Variants in PLA1A observed in about 807,000 individuals in gnomAD.
The protein encoded by PLA1A is phosphatidylserine-specific phospholipase A1alpha.
In PLA1A, 47 loss-of-function variants were observed where a neutral mutation model predicts 49.4. That is an observed-to-expected ratio of 0.95 (90% CI 0.75 to 1.21). PLA1A has a LOEUF of 1.21. Ranked by LOEUF, PLA1A falls within the 50% of genes most tolerant of loss-of-function variation. The probability of loss-of-function intolerance (pLI) is 0.00; values close to 1 mark genes in which losing one functional copy is unlikely to be tolerated. For synonymous variants in PLA1A, 224 were observed against 207.9 expected (o/e 1.08, Z -0.67); for missense variants, 561 against 563.9 (o/e 0.99, Z 0.05).
chr3:119,614,605 C>CAAAA (rs57980425), intron 5 of PLA1A, among the ~76,000 whole-genome samples: 1 of 67,992 alleles, frequency 1.5e-5, no homozygotes. Context: ...GACTTCGTCT[C>CAAAA]AAAAAAAAAA....
chr3:119,602,918 A>G (rs1364511285), intron 1 of PLA1A, among the ~76,000 whole-genome samples: 1 of 152,184 alleles, frequency 6.6e-6, no homozygotes, highest in African/African-American at 2.4e-5. Flanking sequence ...CCATGTAGAT[A>G]CATAAGGGAA....
At chr3:119,607,227 G>A in intron 2 of PLA1A, 1 of 475,508 alleles carries the variant, frequency 2.1e-6, no homozygotes, top group East Asian at 3.6e-5. Context: ...GTCTGTGACT[G>A]GACAAATCTC....
chr3:119,608,264 GA>G (rs2082719018), intron 2 of PLA1A, among the ~76,000 whole-genome samples: 1 of 148,120 alleles, frequency 6.8e-6, no homozygotes, highest in South Asian at 2.2e-4. Flanking sequence ...AAGAAAGAAA[GA>G]AAGAAAGAAA....
At chr3:119,625,353 T>G in intron 9 of PLA1A, 121 bp downstream of exon 9, 2 of 652,446 alleles carry the variant, frequency 3.1e-6, no homozygotes, top group Non-Finnish European at 2.8e-6. Flanking sequence ...CCCAGCCGGC[T>G]TGGCTGGGGG....
Position 119,609,469 on chromosome 3 carries a change from T to A in PLA1A, c.455T>A (p.Val152Glu), listed in dbSNP as rs779843014. Residue 152 changes from valine (V) to glutamate (E), a missense_variant and splice_region_variant, in exon 4 of 11, where the codon GTG becomes GAG. By Grantham distance (121) the Val-to-Glu change is moderately radical (BLOSUM62 -2). Coordinates refer to ENST00000273371, the MANE Select transcript of PLA1A (RefSeq NM_015900.4). Reference protein sequence around the residue: ...EISLFLNKLLVLGVSESSIHI... With the variant: ...EISLFLNKLLELGVSESSIHI... ...AACTCACTGTTCCTGCTCTTCTAGG[T>A]GCTGGGTGTGTCGGAATCCTCAATC... 5.8e-5 allele frequency: 92 copies of A among 1,598,718 alleles called. No individual in the cohort carries two copies. The African/African-American group carries it at 1.2e-3, about 21-fold the overall frequency.
chr3:119,600,292 G>T, intron 1 of PLA1A: 1 of 680,978 alleles, frequency 1.5e-6, no homozygotes. Context: ...GTTTTTCCTT[G>T]GACTGTGGAG....
rs1255608706 is a variant in PLA1A, at chr3:119,608,848, C to T, written c.354C>T (p.Ala118=). Residue 118 remains alanine, a synonymous_variant, in exon 3 of 11, where the codon GCC becomes GCT. Coordinates refer to ENST00000273371, the MANE Select transcript of PLA1A (RefSeq NM_015900.4). ...GTGCAACGAATGCTAATGTGATTGC[C>T]GTGGACTGGATTTATGGGTCTACAG... ...LLRATNANVI[A]VDWIYGSTGV... The T allele has an allele frequency of 3.7e-6, 6 of 1,613,160 alleles. No homozygotes were observed. The highest frequency in any genetic ancestry group is 1.3e-5 in the African/African-American group (1 of 74,856).
rs138672610 is a variant in PLA1A, at chr3:119,620,005, C to T, written c.1012+353C>T. ...GCGCCCACCCTATGTGGTTCTCACC[C>T]TGGCAGCCTCCAAGGTTGGGGTCCC... On this transcript the variant is annotated intron_variant, in intron 8 of 10. Coordinates refer to ENST00000273371, the MANE Select transcript of PLA1A (RefSeq NM_015900.4). 47 of 464,046 alleles carry T rather than the reference C, an allele frequency of 1.0e-4. No individual in the cohort carries two copies. The East Asian group carries it at 2.9e-3, about 29-fold the overall frequency. The allele number at this position is 464,046 out of a possible 1,614,324, so 28.7% of individuals were successfully genotyped here.
intron 8 of PLA1A, 118 bp from the exon 9 acceptor site, chr3:119,625,006 G>T: frequency 1.6e-6 from 1 of 642,158 alleles, no homozygotes; most frequent in Non-Finnish European, 2.8e-6. Context: ...TCTGCTCCTG[G>T]GCACACAGCC....
chr3:119,599,527 C>G (rs151179633), intron 1 of PLA1A, among the ~76,000 whole-genome samples: 1 of 152,126 alleles, frequency 6.6e-6, no homozygotes, highest in Non-Finnish European at 1.5e-5. Flanking sequence ...AGGACTATAG[C>G]AAATTGGCAT....
intron 1 of PLA1A, among the ~76,000 whole-genome samples, chr3:119,604,904 T>G (rs1344648320): frequency 1.3e-5 from 2 of 152,180 alleles, no homozygotes; most frequent in Non-Finnish European, 2.9e-5. Flanking sequence ...AAATAATTTT[T>G]GTTATTGATT....
intron 1 of PLA1A, among the ~76,000 whole-genome samples, chr3:119,604,880 C>G (rs1414463348): frequency 1.3e-5 from 2 of 152,038 alleles, no homozygotes; most frequent in East Asian, 3.8e-4. Context: ...TTTTACATGT[C>G]CAAATGTATA....
Position 119,609,525 on chromosome 3 carries a change from G to C in PLA1A, c.511G>C (p.Val171Leu). Reference protein sequence around the residue: ...HIIGVSLGAHVGGMVGQLFGG... With the variant: ...HIIGVSLGAHLGGMVGQLFGG... ...CATTGGTGTTAGCCTGGGGGCCCACGTTGGGGGCATGGTGGGACAGCTCTT... is the reference window on the plus strand; with the variant it reads ...CATTGGTGTTAGCCTGGGGGCCCACCTTGGGGGCATGGTGGGACAGCTCTT... Residue 171 changes from valine (V) to leucine (L), a missense_variant, in exon 4 of 11, where the codon GTT (valine) becomes CTT (leucine). Transcript: ENST00000273371. 2 of 1,613,246 alleles carry C rather than the reference G, an allele frequency of 1.2e-6. No individual in the cohort carries two copies. Among genetic ancestry groups the C allele is most frequent in the Non-Finnish European group, 1.7e-6 (2 of 1,179,216 alleles).
At chr3:119,613,208 A>T in intron 5 of PLA1A, 90 bp downstream of exon 5, 1 of 798,594 alleles carries the variant, frequency 1.3e-6, no homozygotes, top group South Asian at 1.6e-5. Flanking sequence ...CTGGGCAGAG[A>T]TGCCCTGACC....
At chr3:119,619,166 G>A (rs2082893712) in intron 7 of PLA1A, among the ~76,000 whole-genome samples, 2 of 152,118 alleles carry the variant, frequency 1.3e-5, no homozygotes, top group South Asian at 4.2e-4. Context: ...TTCCCAGAAT[G>A]CCCTCTCTCC....
intron 1 of PLA1A, among the ~76,000 whole-genome samples, chr3:119,598,198 G>A (rs995142015): frequency 3.3e-5 from 5 of 152,032 alleles, no homozygotes; most frequent in African/African-American, 1.2e-4. Flanking sequence ...CTGGTTATCC[G>A]ACTCATTTTT....
At chr3:119,601,948 A>T (rs1258275923) in intron 1 of PLA1A, among the ~76,000 whole-genome samples, 2 of 152,068 alleles carry the variant, frequency 1.3e-5, no homozygotes, top group Non-Finnish European at 2.9e-5. Flanking sequence ...TCATACGTGA[A>T]TTATATTAAT....
In PLA1A at chr3:119,629,327, A is replaced by G. The variant is rs1407079876; in HGVS notation, c.1287-57A>G. 11 of 982,718 alleles carry G rather than the reference A, an allele frequency of 1.1e-5. No homozygotes were observed. In the East Asian group the frequency reaches 2.4e-4, roughly 21 times the overall value. The allele number at this position is 982,718 out of a possible 1,614,324, so 60.9% of individuals were successfully genotyped here. On this transcript the variant is annotated intron_variant, in intron 10 of 10. Coordinates refer to ENST00000273371, the MANE Select transcript of PLA1A (RefSeq NM_015900.4). Reference sequence around the variant, plus strand: ...CATCATGGGAATTCAAAAGCCACACAATGCCAAGCCCTGTCTCCTCACCAG... The same window carrying G: ...CATCATGGGAATTCAAAAGCCACACGATGCCAAGCCCTGTCTCCTCACCAG...
intron 9 of PLA1A, among the ~76,000 whole-genome samples, chr3:119,627,291 G>A (rs1388657929): frequency 6.6e-6 from 1 of 152,152 alleles, no homozygotes; most frequent in African/African-American, 2.4e-5. Context: ...TTTATGCGAC[G>A]CTAAGATTTC....
Sources: gnomAD v4.1 joint callset for allele counts (sites outside exome capture counted in the v4.1 genomes callset) on GRCh38, gnomAD v4.1.1 for gene constraint, MANE v1.5 for transcripts, NCBI Gene and HGNC (gene_info 2026-07-23, HGNC 2026-07-21) for gene names.